Variants in BMERB1 observed in about 807,000 individuals in gnomAD.
BMERB1 encodes the protein bMERB domain containing 1, also known as bMERB domain-containing protein 1.
BMERB1 carries 12 observed loss-of-function variants against 23.6 expected under a neutral mutation model. The ratio of observed to expected loss-of-function variants is 0.51; its 90% confidence interval spans 0.33 to 0.82. The LOEUF is 0.82. Ranked by LOEUF, BMERB1 falls within the 40% of genes least tolerant of loss-of-function variation. The probability of loss-of-function intolerance (pLI) is 0.03; values close to 1 mark genes in which losing one functional copy is unlikely to be tolerated. For missense variants in BMERB1, 247 were observed against 255.4 expected (o/e 0.97, Z 0.22); for synonymous variants, 122 against 96.6 (o/e 1.26, Z -1.54).
At chr16:15,584,058 A>G in intron 5 of BMERB1, 1 of 702,268 alleles carries the variant, frequency 1.4e-6, no homozygotes, top group East Asian at 2.7e-5. Context: ...TATTAACCTC[A>G]TCAGATCCTC....
chr16:15,444,138 T>TTTTTTTTTTTTTTTTTTTTTTTTG (rs2050969295), intron 1 of BMERB1, among the ~76,000 whole-genome samples: 1 of 131,636 alleles, frequency 7.6e-6, no homozygotes, highest in African/African-American at 2.9e-5. Context: ...TTTTTTTTTT[T>TTTTTTTTTTTTTTTTTTTTTTTTG]TTTTTTTTTT....
intron 1 of BMERB1, among the ~76,000 whole-genome samples, chr16:15,476,974 G>A (rs2051279933): frequency 6.6e-6 from 1 of 152,174 alleles, no homozygotes; most frequent in South Asian, 2.1e-4. Context: ...TTGGCTGGCA[G>A]GGCAGATATG....
At chr16:15,486,265 G>T (rs1048626127) in intron 1 of BMERB1, among the ~76,000 whole-genome samples, 2 of 150,700 alleles carry the variant, frequency 1.3e-5, no homozygotes, top group African/African-American at 4.9e-5. Context: ...GGATTCTTTT[G>T]GTTCTAGGTG....
At chr16:15,444,140 T>G (rs1384369043) in intron 1 of BMERB1, among the ~76,000 whole-genome samples, 1 of 129,040 alleles carries the variant, frequency 7.7e-6, no homozygotes, top group Non-Finnish European at 1.7e-5. Flanking sequence ...TTTTTTTTTT[T>G]TTTTTTTTTT....
chr16:15,459,186 G>A (rs2051114791), intron 1 of BMERB1, among the ~76,000 whole-genome samples: 1 of 151,850 alleles, frequency 6.6e-6, no homozygotes, highest in South Asian at 2.1e-4. Context: ...TAACATGAAA[G>A]AAAGCTATTA....
chr16:15,578,029 C>T (rs1240095857), intron 3 of BMERB1, among the ~76,000 whole-genome samples: 1 of 152,214 alleles, frequency 6.6e-6, no homozygotes. Flanking sequence ...TAACAACTGC[C>T]TGACATCACC....
At chr16:15,529,015 G>GTGTTTGTTTGTTTGTT (rs369446865) in intron 2 of BMERB1, among the ~76,000 whole-genome samples, 49 of 151,618 alleles carry the variant, frequency 3.2e-4, no homozygotes, top group African/African-American at 1.2e-3. Flanking sequence ...TGAAAAATAA[G>GTGTTTGTTTGTTTGTT]TGTTTGTTTG....
At chr16:15,443,826 C>T (rs753092264) in intron 1 of BMERB1, among the ~76,000 whole-genome samples, 19 of 151,802 alleles carry the variant, frequency 1.3e-4, no homozygotes, top group East Asian at 5.8e-4. Context: ...GCCTGAGACA[C>T]GAGAATCGCT....
intron 1 of BMERB1, 56 bp downstream of exon 1, chr16:15,434,815 G>C: frequency 7.0e-7 from 1 of 1,419,492 alleles, no homozygotes. Flanking sequence ...CCATGCGCCT[G>C]CGCGGGTGGT....
intron 1 of BMERB1, among the ~76,000 whole-genome samples, chr16:15,471,652 C>T (rs2051229993): frequency 1.3e-5 from 2 of 152,108 alleles, no homozygotes; most frequent in Admixed American, 6.6e-5. Context: ...GGTCTTGCTG[C>T]ATTACCTAGG....
intron 2 of BMERB1, among the ~76,000 whole-genome samples, chr16:15,549,808 C>T (rs1327351305): frequency 1.3e-5 from 2 of 152,072 alleles, no homozygotes; most frequent in Non-Finnish European, 2.9e-5. Context: ...AGATTTGTGT[C>T]GTACAAATTA....
intron 2 of BMERB1, among the ~76,000 whole-genome samples, chr16:15,530,434 A>G (rs113735392): frequency 0.061 from 9,269 of 152,230 alleles, 906 homozygotes; most frequent in African/African-American, 0.2. Context: ...TCAGAGACGA[A>G]GTCTTGCTCT....
chr16:15,469,697 C>G (rs2051213136), intron 1 of BMERB1, among the ~76,000 whole-genome samples: 1 of 152,098 alleles, frequency 6.6e-6, no homozygotes, highest in African/African-American at 2.4e-5. Context: ...TACATATCCT[C>G]TACATATTTT....
At chr16:15,525,983 A>C (rs1228657156) in intron 2 of BMERB1, among the ~76,000 whole-genome samples, 1 of 152,118 alleles carries the variant, frequency 6.6e-6, no homozygotes, top group Admixed American at 6.6e-5. Context: ...TCCTGGGTCT[A>C]CCCCTGGTTA....
chr16:15,483,112 G>C (rs2051337868), intron 1 of BMERB1, among the ~76,000 whole-genome samples: 1 of 152,088 alleles, frequency 6.6e-6, no homozygotes, highest in African/African-American at 2.4e-5. Context: ...TTTTCACTCA[G>C]CTCTAAATTA....
intron 1 of BMERB1, among the ~76,000 whole-genome samples, chr16:15,462,053 A>G (rs1567455383): frequency 6.6e-6 from 1 of 150,386 alleles, no homozygotes; most frequent in East Asian, 2.0e-4. Context: ...CAGTATAAGC[A>G]TGTCCCATGC....
chr16:15,456,853 TCTCA>T (rs1454926346), intron 1 of BMERB1, among the ~76,000 whole-genome samples: 1 of 152,112 alleles, frequency 6.6e-6, no homozygotes, highest in African/African-American at 2.4e-5. Flanking sequence ...TGATGCGGAA[TCTCA>T]CTCTTTCGCC....
intron 1 of BMERB1, among the ~76,000 whole-genome samples, chr16:15,445,313 A>C (rs2050979877): frequency 6.6e-6 from 1 of 151,132 alleles, no homozygotes; most frequent in Non-Finnish European, 1.5e-5. Flanking sequence ...AGAGGTCAGT[A>C]CATGATACAT....
intron 2 of BMERB1, among the ~76,000 whole-genome samples, chr16:15,538,826 T>C (rs910284285): frequency 3.3e-5 from 5 of 152,184 alleles, no homozygotes; most frequent in Admixed American, 3.3e-4. Context: ...CCCGACACAG[T>C]TAACCAGAAA....
Sources: allele counts gnomAD v4.1 joint callset (sites outside exome capture counted in the v4.1 genomes callset), GRCh38; gene constraint gnomAD v4.1.1; transcripts MANE v1.5; gene names NCBI Gene and HGNC (gene_info 2026-07-23, HGNC 2026-07-21).